Variants in SH3GLB1 observed in about 807,000 individuals in gnomAD.
SH3GLB1 encodes endophilin-B1.
In SH3GLB1, 17 loss-of-function variants were observed where a neutral mutation model predicts 42.0. That is an observed-to-expected ratio of 0.40 (90% CI 0.28 to 0.61). The LOEUF (loss-of-function observed/expected upper bound fraction) is 0.61. Among genes scored for constraint, SH3GLB1 ranks in the 20% least tolerant of loss-of-function variants. The pLI is 0.36. For missense variants in SH3GLB1, 355 were observed against 426.3 expected (o/e 0.83, Z 1.47); for synonymous variants, 132 against 146.6 (o/e 0.90, Z 0.72).
rs1485537323 is a variant in SH3GLB1 at position 86,746,407 on chromosome 1, C to T, written c.*3172C>T. ...CCCTACTATTTAGCACTTTAAGCTT[C>T]AGTGAGGTGCTGTAATGGAGAGATA... On this transcript the variant is annotated 3_prime_UTR_variant, in exon 9 of 9. Transcript: ENST00000370558. The T allele has an allele frequency of 6.6e-6, 1 of 152,194 alleles. No individual in the cohort carries two copies. The highest frequency in any genetic ancestry group is 2.4e-5 in the African/African-American group (1 of 41,444). The allele number at this position is 152,194 out of a possible 1,614,324, so 9.4% of individuals were successfully genotyped here. A position where few individuals can be genotyped will look rare whatever the true frequency, so the allele number is the denominator to read the frequency against.
intron 5 of SH3GLB1, among the ~76,000 whole-genome samples, chr1:86,725,850 T>TA (rs1655169160): frequency 6.6e-6 from 1 of 152,148 alleles, no homozygotes; most frequent in African/African-American, 2.4e-5. Context: ...TTTTTGGAGA[T>TA]ACTGTATTAG....
At chr1:86,709,917 G>C (rs1483609438) in intron 1 of SH3GLB1, among the ~76,000 whole-genome samples, 1 of 152,170 alleles carries the variant, frequency 6.6e-6, no homozygotes, top group East Asian at 1.9e-4. Context: ...GCTCCTGTCA[G>C]ACCCTCCCTG....
At chr1:86,741,304 T>G (rs1656049911) in intron 7 of SH3GLB1, among the ~76,000 whole-genome samples, 1 of 152,212 alleles carries the variant, frequency 6.6e-6, no homozygotes, top group Non-Finnish European at 1.5e-5. Flanking sequence ...TTAATGAATT[T>G]ATTAAAACTT....
rs1452778010 is a variant in SH3GLB1 at position 86,744,271 on chromosome 1, A to G, written c.*1036A>G. On this transcript the variant is annotated 3_prime_UTR_variant, in exon 9 of 9. Coordinates refer to ENST00000370558, the MANE Select transcript of SH3GLB1 (RefSeq NM_016009.5). ...GAAAATTGCTGTTGGGGCCATTGCT[A>G]TAAATCATTGTTTCCATGTTAAGAC... The G allele has an allele frequency of 6.6e-6, 1 of 152,210 alleles. No individual in the cohort carries two copies. Among genetic ancestry groups the G allele is most frequent in the Non-Finnish European group, 1.5e-5 (1 of 68,036 alleles). The allele number at this position is 152,210 out of a possible 1,614,324, so 9.4% of individuals were successfully genotyped here.
intron 1 of SH3GLB1, among the ~76,000 whole-genome samples, chr1:86,709,809 A>T (rs1654094358): frequency 6.6e-6 from 1 of 152,222 alleles, no homozygotes; most frequent in Non-Finnish European, 1.5e-5. Flanking sequence ...TAGTTCTTAA[A>T]ATATAGTTTT....
At chr1:86,715,286 G>A (rs1654443631) in intron 1 of SH3GLB1, among the ~76,000 whole-genome samples, 1 of 152,098 alleles carries the variant, frequency 6.6e-6, no homozygotes, top group Non-Finnish European at 1.5e-5. Flanking sequence ...TTATAATAGA[G>A]GGTACTAAAG....
intron 5 of SH3GLB1, among the ~76,000 whole-genome samples, chr1:86,724,902 T>TATATATATATAAA (rs1655098767): frequency 7.7e-6 from 1 of 129,960 alleles, no homozygotes; most frequent in African/African-American, 3.3e-5. Flanking sequence ...AATATATATA[T>TATATATATATAAA]ATATATATAT....
chr1:86,713,447 A>AT (rs1446326690), intron 1 of SH3GLB1, among the ~76,000 whole-genome samples: 1 of 152,208 alleles, frequency 6.6e-6, no homozygotes, highest in Non-Finnish European at 1.5e-5. Context: ...GTTATTAACT[A>AT]TAAGTTAAGG....
At chr1:86,730,262 C>G (rs1486390016) in intron 5 of SH3GLB1, 29 of 985,260 alleles carry the variant, frequency 2.9e-5, no homozygotes, top group Non-Finnish European at 3.5e-5. Context: ...GTTCAGGTCT[C>G]TTTAGCTAAT....
intron 7 of SH3GLB1, among the ~76,000 whole-genome samples, chr1:86,741,317 A>G (rs1656050262): frequency 6.6e-6 from 1 of 152,198 alleles, no homozygotes; most frequent in South Asian, 2.1e-4. Flanking sequence ...TAAAACTTTG[A>G]ATTTTTGTAG....
At chr1:86,725,357 ATATT>A (rs1241195709) in intron 5 of SH3GLB1, among the ~76,000 whole-genome samples, 3 of 152,138 alleles carry the variant, frequency 2.0e-5, no homozygotes, top group Non-Finnish European at 2.9e-5. Context: ...ATTCTAGTAT[ATATT>A]CCAGAAAACC....
rs1656392802 is a variant in SH3GLB1, at chr1:86,748,160, C to A, written c.*4925C>A. 1 of 151,616 alleles carries A rather than the reference C, an allele frequency of 6.6e-6. No homozygotes were observed. Among genetic ancestry groups the A allele is most frequent in the South Asian group, 2.1e-4 (1 of 4,794 alleles). The allele number at this position is 151,616 out of a possible 1,614,324, so 9.4% of individuals were successfully genotyped here. A position where few individuals can be genotyped will look rare whatever the true frequency, so the allele number is the denominator to read the frequency against. On this transcript the variant is annotated 3_prime_UTR_variant, in exon 9 of 9. Transcript: ENST00000370558. ...GTTCAATTTTTAGGTTTCCAACTTT[C>A]ATTAATAAAGTGCTTTAAAGAACAT...
chr1:86,715,567 C>CA (rs1000234040), intron 1 of SH3GLB1, among the ~76,000 whole-genome samples, 157 bp from the exon 2 acceptor site: 7 of 151,324 alleles, frequency 4.6e-5, no homozygotes, highest in Admixed American at 1.3e-4. Flanking sequence ...ACCATAGGAG[C>CA]AAAAAAAAGT....
intron 5 of SH3GLB1, among the ~76,000 whole-genome samples, chr1:86,732,116 G>A (rs1172899302): frequency 6.6e-6 from 1 of 152,144 alleles, no homozygotes; most frequent in Non-Finnish European, 1.5e-5. Context: ...CATTCCTGGA[G>A]TATTTTAAGA....
At chr1:86,706,836 T>A (rs1558286909) in intron 1 of SH3GLB1, among the ~76,000 whole-genome samples, 2 of 152,226 alleles carry the variant, frequency 1.3e-5, no homozygotes, top group African/African-American at 4.8e-5. Flanking sequence ...AGACTCAATT[T>A]AAAAAATTAA....
In SH3GLB1 at chr1:86,743,320, A is replaced by T. The variant is rs906367755; in HGVS notation, c.*85A>T. 1.2e-6 allele frequency: 1 copy of T among 858,464 alleles called. No individual in the cohort carries two copies. The highest frequency in any genetic ancestry group is 3.0e-5 in the Admixed American group (1 of 33,030). 53.2% of individuals were successfully genotyped at this position (858,464 alleles called of 1,614,324 possible). A position where few individuals can be genotyped will look rare whatever the true frequency, so the allele number is the denominator to read the frequency against. On this transcript the variant is annotated 3_prime_UTR_variant, in exon 9 of 9. Coordinates refer to ENST00000370558, the MANE Select transcript of SH3GLB1 (RefSeq NM_016009.5). ...AAATAAAGCAGGTTAAGTATCTTCC[A>T]TGTTAATGTGTTAAGAGACTGAAAA...
intron 1 of SH3GLB1, among the ~76,000 whole-genome samples, chr1:86,711,232 CT>C (rs796454660): frequency 1.3e-5 from 2 of 148,522 alleles, no homozygotes; most frequent in Admixed American, 1.3e-4. Flanking sequence ...TATTTGTAGT[CT>C]TTTTTTTTTC....
At chr1:86,734,386 T>C (rs1655673216) in intron 5 of SH3GLB1, 1 of 450,468 alleles carries the variant, frequency 2.2e-6, no homozygotes, top group Admixed American at 3.6e-5. Flanking sequence ...CAGATTCTTT[T>C]CAATCAAGTA....
intron 1 of SH3GLB1, among the ~76,000 whole-genome samples, chr1:86,707,888 C>CA (rs573813574): frequency 2.0e-4 from 31 of 152,136 alleles, no homozygotes; most frequent in Non-Finnish European, 4.0e-4. Flanking sequence ...CCTCAGGATC[C>CA]ACCTGCTTCG....
Sources: gnomAD v4.1 joint callset for allele counts (sites outside exome capture counted in the v4.1 genomes callset) on GRCh38, gnomAD v4.1.1 for gene constraint, MANE v1.5 for transcripts, NCBI Gene and HGNC (gene_info 2026-07-23, HGNC 2026-07-21) for gene names.